The following PHF24 variants were observed in gnomAD, a reference collection of about 807,000 sequenced individuals.
PHF24 encodes the protein Galpha inhibitory interacting protein.
In PHF24, 25 loss-of-function variants were observed where a neutral mutation model predicts 42.6. The ratio of observed to expected loss-of-function variants is 0.59; its 90% CI spans 0.43 to 0.82. The LOEUF (loss-of-function observed/expected upper bound fraction) is 0.82, where lower values mean the gene tolerates loss of function less well. PHF24 is among the 40% of genes least tolerant of loss of function. The pLI is 0.00. For missense variants in PHF24, 470 were observed against 538.1 expected (o/e 0.87, Z 1.25); for synonymous variants, 185 against 204.8 (o/e 0.90, Z 0.83).
chr9:34,677,036 AC>A, the PHF24 span, among the ~76,000 whole-genome samples: 1 of 152,226 alleles, frequency 6.6e-6, no homozygotes, highest in East Asian at 1.9e-4. Flanking sequence ...TATATCAGAT[AC>A]CTTATTCCAA....
chr9:34,797,258 A>G, the PHF24 span, among the ~76,000 whole-genome samples: 1 of 152,122 alleles, frequency 6.6e-6, no homozygotes, highest in African/African-American at 2.4e-5. Context: ...CCCAGTGGGT[A>G]TGTATTACAG....
the PHF24 span, among the ~76,000 whole-genome samples, chr9:34,730,737 G>A: frequency 1.3e-5 from 2 of 152,236 alleles, no homozygotes; most frequent in Non-Finnish European, 2.9e-5. Context: ...ATGGTCATCA[G>A]AGAGGGCTCC....
the PHF24 span, among the ~76,000 whole-genome samples, chr9:34,762,605 T>G: frequency 6.8e-6 from 1 of 147,224 alleles, no homozygotes; most frequent in African/African-American, 2.5e-5. Context: ...TAGCCCTTTG[T>G]CAGATGAGTA....
chr9:34,974,129 C>T (rs1827104709), intron 3 of PHF24, among the ~76,000 whole-genome samples: 1 of 152,158 alleles, frequency 6.6e-6, no homozygotes, highest in Non-Finnish European at 1.5e-5. Flanking sequence ...TCAGCTTCCT[C>T]AGTAGCTGGG....
chr9:34,847,877 G>A, the PHF24 span, among the ~76,000 whole-genome samples: 4 of 152,126 alleles, frequency 2.6e-5, no homozygotes, highest in African/African-American at 9.7e-5. Flanking sequence ...TTTGTCTTTG[G>A]TTCTGTTTAT....
At chr9:34,904,406 C>T in the PHF24 span, among the ~76,000 whole-genome samples, 2 of 152,042 alleles carry the variant, frequency 1.3e-5, no homozygotes, top group African/African-American at 4.8e-5. Context: ...CCTTGTATGC[C>T]AATTTCGCTT....
chr9:34,727,020 G>T, the PHF24 span: 1 of 1,533,724 alleles, frequency 6.5e-7, no homozygotes. Context: ...AATTAACGAT[G>T]GAGTGACATC....
chr9:34,763,497 TTGTC>T, the PHF24 span, among the ~76,000 whole-genome samples: 1 of 152,110 alleles, frequency 6.6e-6, no homozygotes. Flanking sequence ...GGCTCTCTGT[TTGTC>T]TGTTATTGGT....
chr9:34,722,407 G>A, the PHF24 span, among the ~76,000 whole-genome samples: 9 of 152,212 alleles, frequency 5.9e-5, no homozygotes, highest in East Asian at 7.7e-4. Flanking sequence ...ATGTGTGACT[G>A]AGTGGTGGTG....
At chr9:34,962,299 G>A (rs922992109) in intron 1 of PHF24, among the ~76,000 whole-genome samples, 3 of 151,470 alleles carry the variant, frequency 2.0e-5, no homozygotes, top group African/African-American at 7.3e-5. Context: ...TCTAAGTCAT[G>A]ATGGAGTCCC....
At chr9:34,823,048 T>C in the PHF24 span, among the ~76,000 whole-genome samples, 1 of 148,046 alleles carries the variant, frequency 6.8e-6, no homozygotes, top group Non-Finnish European at 1.5e-5. Flanking sequence ...TACAAAAAAT[T>C]AGCCGGGCGC....
chr9:34,850,229 T>C, the PHF24 span, among the ~76,000 whole-genome samples: 62 of 152,316 alleles, frequency 4.1e-4, no homozygotes, highest in African/African-American at 1.4e-3. Flanking sequence ...CCTGTCACTT[T>C]CAGGTACACC....
chr9:34,923,003 C>A, the PHF24 span: 1 of 770,568 alleles, frequency 1.3e-6, no homozygotes, highest in Non-Finnish European at 1.9e-6. Flanking sequence ...CTGGGCCGGG[C>A]CTGGGCTCCG....
At chr9:34,883,671 T>C in the PHF24 span, among the ~76,000 whole-genome samples, 1 of 152,160 alleles carries the variant, frequency 6.6e-6, no homozygotes, top group Non-Finnish European at 1.5e-5. Flanking sequence ...TGAGATACCA[T>C]CTCACACCAG....
At chr9:34,891,191 T>A in the PHF24 span, among the ~76,000 whole-genome samples, 1 of 152,192 alleles carries the variant, frequency 6.6e-6, no homozygotes, top group African/African-American at 2.4e-5. Context: ...TCAAGGCCTG[T>A]CAGTATTCAG....
At chr9:34,727,114 C>G in the PHF24 span, 6 of 1,426,528 alleles carry the variant, frequency 4.2e-6, no homozygotes, top group South Asian at 9.1e-5. Context: ...ATCTTGTTGT[C>G]TACCTGTCTG....
the PHF24 span, chr9:34,724,982 C>T: frequency 9.9e-5 from 154 of 1,551,844 alleles, no homozygotes; most frequent in Non-Finnish European, 1.3e-4. Flanking sequence ...AGTGACAGTA[C>T]CTGGTAAAGC....
the PHF24 span, among the ~76,000 whole-genome samples, chr9:34,683,546 A>G: frequency 3.0e-4 from 45 of 152,070 alleles, no homozygotes; most frequent in African/African-American, 1.1e-3. Context: ...TCTGGGTGTA[A>G]ACACTCCAGC....
chr9:34,923,654 A>G, the PHF24 span, among the ~76,000 whole-genome samples: 3 of 152,232 alleles, frequency 2.0e-5, no homozygotes, highest in South Asian at 2.1e-4. Context: ...CAGAATTTCT[A>G]CATTATGAGT....
Sources: allele counts gnomAD v4.1 joint callset (sites outside exome capture counted in the v4.1 genomes callset), GRCh38; gene constraint gnomAD v4.1.1; transcripts MANE v1.5; gene names NCBI Gene and HGNC (gene_info 2026-07-23, HGNC 2026-07-21).